The following ZBTB7C variants were observed in gnomAD, a reference collection of about 807,000 sequenced individuals.
ZBTB7C encodes the protein zinc finger and BTB domain-containing protein 7C.
A neutral mutation model predicts 25.7 loss-of-function variants in ZBTB7C; 8 were observed. The observed-to-expected ratio is 0.31, with a 90% CI of 0.18 to 0.56. The LOEUF is 0.56. Ranked by LOEUF, ZBTB7C falls within the 20% of genes least tolerant of loss-of-function variation. The pLI, the probability that ZBTB7C is intolerant of heterozygous loss-of-function variation, is 0.91. For synonymous variants in ZBTB7C, 394 were observed against 369.0 expected, an observed-to-expected ratio of 1.07 and a Z score of -0.78; for missense variants, 824 against 855.2, an observed-to-expected ratio of 0.96 and a Z score of 0.46.
chr18:48,170,834 C>A (rs1024600689), intron 3 of ZBTB7C, among the ~76,000 whole-genome samples: 1 of 137,600 alleles, frequency 7.3e-6, no homozygotes, highest in Admixed American at 7.0e-5. Context: ...TGACCGAGAA[C>A]CCCCCGCCCC....
intron 3 of ZBTB7C, among the ~76,000 whole-genome samples, chr18:48,124,006 A>C (rs2039716884): frequency 6.6e-6 from 1 of 152,208 alleles, no homozygotes; most frequent in Non-Finnish European, 1.5e-5. Context: ...TCAGCCAGCC[A>C]GGAAATATGC....
intron 3 of ZBTB7C, among the ~76,000 whole-genome samples, chr18:48,160,935 GTT>G (rs59824886): frequency 7.2e-4 from 98 of 136,882 alleles, no homozygotes; most frequent in African/African-American, 1.7e-3. Context: ...TTTGAGACAA[GTT>G]TTTTTTTTTT....
chr18:48,366,542 T>C (rs11664552), intron 1 of ZBTB7C, among the ~76,000 whole-genome samples: 44,168 of 152,160 alleles, frequency 0.29, 7,526 homozygotes, highest in East Asian at 0.69. Context: ...TGGCACGCAG[T>C]GGACTAATTT....
intron 3 of ZBTB7C, among the ~76,000 whole-genome samples, chr18:48,143,709 T>G (rs1429074764): frequency 6.6e-6 from 1 of 152,216 alleles, no homozygotes; most frequent in Non-Finnish European, 1.5e-5. Flanking sequence ...TAAGTCCGGT[T>G]AGCAAGAATC....
intron 3 of ZBTB7C, among the ~76,000 whole-genome samples, chr18:48,156,848 G>A (rs8091156): frequency 0.02 from 3,078 of 151,904 alleles, 111 homozygotes; most frequent in African/African-American, 0.071. Flanking sequence ...GAGAGCGAGT[G>A]ATGTTGGATA....
chr18:48,087,711 C>A (rs915015219), intron 3 of ZBTB7C: 9 of 152,174 alleles, frequency 5.9e-5, no homozygotes, highest in African/African-American at 2.2e-4. Flanking sequence ...AGGAACATCT[C>A]TTGAGCCCAA....
At chr18:48,371,628 CA>C (rs2145163279) in intron 1 of ZBTB7C, among the ~76,000 whole-genome samples, 1 of 152,322 alleles carries the variant, frequency 6.6e-6, no homozygotes, top group African/African-American at 2.4e-5. Context: ...ACATGATTGC[CA>C]GGGGCAGAGC....
At chr18:48,272,833 G>T (rs529164442) in intron 2 of ZBTB7C, among the ~76,000 whole-genome samples, 1 of 152,132 alleles carries the variant, frequency 6.6e-6, no homozygotes, top group Non-Finnish European at 1.5e-5. Context: ...AATGAATTAG[G>T]TACTAATTTA....
intron 3 of ZBTB7C, among the ~76,000 whole-genome samples, chr18:48,140,629 C>T (rs1165002591): frequency 3.9e-5 from 6 of 152,140 alleles, no homozygotes; most frequent in African/African-American, 1.4e-4. Flanking sequence ...ATGACTCTTC[C>T]TGAACCCAAG....
At chr18:48,245,507 A>AAAT (rs56858676) in intron 2 of ZBTB7C, among the ~76,000 whole-genome samples, 1 of 78,066 alleles carries the variant, frequency 1.3e-5, no homozygotes, top group African/African-American at 4.5e-5. Flanking sequence ...AAAAAAAAAA[A>AAAT]GAAAAAATGA....
At chr18:48,302,689 C>T (rs1206196900) in intron 2 of ZBTB7C, among the ~76,000 whole-genome samples, 1 of 146,508 alleles carries the variant, frequency 6.8e-6, no homozygotes, top group East Asian at 1.9e-4. Flanking sequence ...ACCTGAACTT[C>T]TCATGTGGTT....
At chr18:48,123,439 A>G (rs2039696055) in intron 3 of ZBTB7C, among the ~76,000 whole-genome samples, 1 of 152,232 alleles carries the variant, frequency 6.6e-6, no homozygotes, top group South Asian at 2.1e-4. Context: ...TTCAGCGACT[A>G]TGCAGGGCGT....
At chr18:48,145,736 T>C (rs2040480072) in intron 3 of ZBTB7C, among the ~76,000 whole-genome samples, 1 of 152,220 alleles carries the variant, frequency 6.6e-6, no homozygotes, top group Non-Finnish European at 1.5e-5. Flanking sequence ...TGGTCTCTAT[T>C]TGTGTCCGTC....
At chr18:48,136,920 C>T (rs1404104772) in intron 3 of ZBTB7C, 4 of 957,282 alleles carry the variant, frequency 4.2e-6, no homozygotes, top group African/African-American at 1.8e-5. Context: ...GGGCTTCCTC[C>T]CCCACCCCCT....
chr18:48,224,386 A>C (rs995676435), intron 2 of ZBTB7C, among the ~76,000 whole-genome samples: 9 of 152,218 alleles, frequency 5.9e-5, no homozygotes, highest in African/African-American at 2.2e-4. Context: ...AGCTGCCATG[A>C]GCACAAGGAG....
intron 3 of ZBTB7C, among the ~76,000 whole-genome samples, chr18:48,153,590 A>G (rs2040744095): frequency 6.6e-6 from 1 of 152,240 alleles, no homozygotes. Flanking sequence ...CATGGGCTAT[A>G]TATGTCAGGC....
intron 3 of ZBTB7C, among the ~76,000 whole-genome samples, chr18:48,172,457 G>A (rs940876398): frequency 1.3e-5 from 2 of 152,186 alleles, no homozygotes; most frequent in Admixed American, 6.5e-5. Context: ...AGCTGGGAGC[G>A]GAGTCTGTGT....
chr18:48,248,447 C>G lies in ZBTB7C; in HGVS notation c.-78-62452G>C, dbSNP rs886098785. Among the ~76,000 whole-genome samples the G allele has an allele frequency of 7.2e-5, 11 of 152,128 alleles. 1 individual carries two copies. Among genetic ancestry groups the G allele is most frequent in the African/African-American group, 2.4e-4 (10 of 41,438 alleles). ...TCATCCAGGTCTGCTTGAATGATAC[C>G]TTTTGATACTGGCCCTCCCTGTCTT... is the stretch of plus-strand genomic sequence containing the variant. On this transcript the variant is annotated intron_variant, in intron 2 of 4. Transcript: ENST00000590800.
intron 3 of ZBTB7C, among the ~76,000 whole-genome samples, chr18:48,144,053 G>A (rs567382397): frequency 5.9e-5 from 9 of 152,254 alleles, no homozygotes; most frequent in South Asian, 2.1e-4. Context: ...CGAGGTGGGC[G>A]GATCACTTCA....
Sources: allele counts gnomAD v4.1 joint callset (sites outside exome capture counted in the v4.1 genomes callset), GRCh38; gene constraint gnomAD v4.1.1; transcripts MANE v1.5; gene names NCBI Gene and HGNC (gene_info 2026-07-23, HGNC 2026-07-21).